Variants in HS1BP3 observed in about 807,000 individuals in gnomAD.
HS1BP3 encodes the protein HCLS1 binding protein 3, also known as HCLS1-binding protein 3.
A neutral mutation model predicts 33.5 loss-of-function variants in HS1BP3; 32 were observed. The ratio of observed to expected loss-of-function variants is 0.95; its 90% CI spans 0.72 to 1.28. The LOEUF (loss-of-function observed/expected upper bound fraction) is 1.28, where lower values mean the gene tolerates loss of function less well. HS1BP3 is among the 50% of genes most tolerant of loss of function. The probability of loss-of-function intolerance (pLI) is 0.00; values close to 1 mark genes in which losing one functional copy is unlikely to be tolerated. For missense variants in HS1BP3, 486 were observed against 502.3 expected, an observed-to-expected ratio of 0.97 and a Z score of 0.31; for synonymous variants, 187 against 209.2, an observed-to-expected ratio of 0.89 and a Z score of 0.92.
intron 5 of HS1BP3, among the ~76,000 whole-genome samples, chr2:20,568,416 A>G (rs1431866388): frequency 6.6e-6 from 1 of 152,060 alleles, no homozygotes; most frequent in East Asian, 1.9e-4. Context: ...CCGGGCGGGT[A>G]ATGGAGGAAG....
chr2:20,567,611 G>A (rs943969679), intron 5 of HS1BP3, among the ~76,000 whole-genome samples: 5 of 152,016 alleles, frequency 3.3e-5, no homozygotes, highest in South Asian at 4.2e-4. Flanking sequence ...CACAGCCCCC[G>A]GCCACTAGGA....
intron 4 of HS1BP3, 185 bp downstream of exon 4, chr2:20,638,251 C>T (rs1695215359): frequency 3.2e-6 from 2 of 618,472 alleles, no homozygotes; most frequent in South Asian, 4.0e-5. Context: ...GAGACATGCA[C>T]ACCACCAAGG....
the HS1BP3 span, among the ~76,000 whole-genome samples, chr2:20,555,231 T>A: frequency 5.9e-5 from 9 of 152,216 alleles, no homozygotes; most frequent in Non-Finnish European, 1.2e-4. Flanking sequence ...TGTTTTTTCA[T>A]CTCTGTTGAG....
intron 1 of HS1BP3, among the ~76,000 whole-genome samples, chr2:20,648,585 G>A (rs1175210375): frequency 6.6e-6 from 1 of 152,112 alleles, no homozygotes; most frequent in African/African-American, 2.4e-5. Context: ...GAACTGCTTT[G>A]GATGGTTCCC....
intron 3 of HS1BP3, among the ~76,000 whole-genome samples, chr2:20,594,049 C>A (rs1693889050): frequency 6.6e-6 from 1 of 152,242 alleles, no homozygotes; most frequent in Non-Finnish European, 1.5e-5. Context: ...TGCTGGTCCC[C>A]AGTTTTGTCA....
At chr2:20,601,317 T>C (rs1335550294) in intron 2 of HS1BP3, among the ~76,000 whole-genome samples, 2 of 152,232 alleles carry the variant, frequency 1.3e-5, no homozygotes, top group African/African-American at 4.8e-5. Flanking sequence ...AGTATCAGTA[T>C]TCTGTAGAAA....
chr2:20,571,748 C>G (rs1253947579), intron 5 of HS1BP3, among the ~76,000 whole-genome samples: 1 of 152,232 alleles, frequency 6.6e-6, no homozygotes, highest in Non-Finnish European at 1.5e-5. Context: ...AGGAGTCTTT[C>G]CCTGGAGCCT....
At chr2:20,555,076 T>C in the HS1BP3 span, among the ~76,000 whole-genome samples, 6 of 152,230 alleles carry the variant, frequency 3.9e-5, no homozygotes, top group African/African-American at 1.4e-4. Flanking sequence ...CCTGCAGCGC[T>C]AACTGTTCTC....
intron 1 of HS1BP3, among the ~76,000 whole-genome samples, chr2:20,650,261 G>C (rs1695651118): frequency 6.6e-6 from 1 of 152,212 alleles, no homozygotes; most frequent in South Asian, 2.1e-4. Context: ...TGTAGGGAGA[G>C]CAAGGGTGAA....
downstream of HS1BP3, among the ~76,000 whole-genome samples, chr2:20,555,776 C>T (rs938001615): frequency 2.0e-5 from 3 of 151,960 alleles, no homozygotes; most frequent in Non-Finnish European, 4.4e-5. Flanking sequence ...CTTCTTTGGG[C>T]ACCTACTGTG....
intron 3 of HS1BP3, among the ~76,000 whole-genome samples, chr2:20,595,826 G>A (rs529414244): frequency 9.9e-4 from 151 of 152,308 alleles, no homozygotes; most frequent in Non-Finnish European, 1.7e-3. Flanking sequence ...GGCCCATCAG[G>A]GGAGCAGGCC....
chr2:20,634,729 T>G (rs1242871336), intron 4 of HS1BP3: 1 of 152,194 alleles, frequency 6.6e-6, no homozygotes, highest in Non-Finnish European at 1.5e-5. Context: ...CATCCAAATA[T>G]AGAGTAAGAT....
chr2:20,614,342 C>T (rs777933247), downstream of HS1BP3, among the ~76,000 whole-genome samples: 22 of 152,214 alleles, frequency 1.4e-4, no homozygotes, highest in Non-Finnish European at 2.2e-4. Context: ...GCCAAGGCAG[C>T]TCCAGGAAAT....
At chr2:20,632,324 C>A (rs530766097) in intron 4 of HS1BP3, among the ~76,000 whole-genome samples, 3 of 152,358 alleles carry the variant, frequency 2.0e-5, no homozygotes, top group African/African-American at 7.2e-5. Context: ...CTGATCCACT[C>A]CAAATGGTGA....
At chr2:20,620,836 C>T (rs963290030) in intron 6 of HS1BP3, among the ~76,000 whole-genome samples, 1 of 152,234 alleles carries the variant, frequency 6.6e-6, no homozygotes, top group Admixed American at 6.5e-5. Flanking sequence ...GCATAAGACA[C>T]AGAAAAGCAG....
At chr2:20,615,978 G>A (rs1238973140), downstream of HS1BP3, among the ~76,000 whole-genome samples, 3 of 152,210 alleles carry the variant, frequency 2.0e-5, no homozygotes, top group Non-Finnish European at 2.9e-5. Context: ...AAGGCCCTAG[G>A]GACTTTCCAG....
intron 3 of HS1BP3, among the ~76,000 whole-genome samples, chr2:20,595,074 C>T (rs894984603): frequency 2.6e-5 from 4 of 152,170 alleles, no homozygotes; most frequent in African/African-American, 7.2e-5. Flanking sequence ...ATGAGGGAGA[C>T]ATTCTTGTAG....
chr2:20,643,054 G>T (rs1205092379), intron 2 of HS1BP3, among the ~76,000 whole-genome samples: 1 of 152,172 alleles, frequency 6.6e-6, no homozygotes, highest in Admixed American at 6.5e-5. Flanking sequence ...TTAATTCTTT[G>T]AGTTAATTCA....
chr2:20,612,870 C>A (rs1164187426), downstream of HS1BP3, among the ~76,000 whole-genome samples: 1 of 152,160 alleles, frequency 6.6e-6, no homozygotes, highest in Admixed American at 6.5e-5. Flanking sequence ...TTTATGTTTA[C>A]TTGTTGTAAA....
Sources: gnomAD v4.1 joint callset for allele counts (sites outside exome capture counted in the v4.1 genomes callset) on GRCh38, gnomAD v4.1.1 for gene constraint, MANE v1.5 for transcripts, NCBI Gene and HGNC (gene_info 2026-07-23, HGNC 2026-07-21) for gene names.